FGF23: variants seen among roughly 807,000 people sequenced by gnomAD.
FGF23 encodes the protein phosphatonin.
FGF23 carries 8 observed loss-of-function variants against 9.0 expected under a neutral mutation model. That is an observed-to-expected ratio of 0.89 (90% CI 0.52 to 1.60). The LOEUF (loss-of-function observed/expected upper bound fraction) is 1.60, where lower values mean the gene tolerates loss of function less well. FGF23 is among the 40% of genes most tolerant of loss of function. The probability of loss-of-function intolerance (pLI) is 0.00; values close to 1 mark genes in which losing one functional copy is unlikely to be tolerated. For synonymous variants in FGF23, 118 were observed against 146.2 expected (o/e 0.81, Z 1.39); for missense variants, 311 against 344.3 (o/e 0.90, Z 0.77).
intron 1 of FGF23, among the ~76,000 whole-genome samples, chr12:4,378,392 A>G (rs1387503172): frequency 6.6e-6 from 1 of 151,960 alleles, no homozygotes; most frequent in African/African-American, 2.4e-5. Context: ...ATTTTTCTGT[A>G]TGCTTTGAGG....
intron 1 of FGF23, among the ~76,000 whole-genome samples, 192 bp from the exon 2 acceptor site, chr12:4,372,889 CACAT>C (rs1865078782): frequency 6.6e-6 from 1 of 152,212 alleles, no homozygotes; most frequent in South Asian, 2.1e-4. Context: ...GCCCCCAACA[CACAT>C]ACAGTCATTC....
chr12:4,370,494 G>GCCGGGGTCATCCGGGC lies in FGF23; in HGVS notation c.589_604dup (p.Ala202GlyfsTer26). The GCCGGGGTCATCCGGGC allele has an allele frequency of 2.0e-5, 33 of 1,611,766 alleles. No homozygotes were observed. The highest frequency in any genetic ancestry group is 2.7e-5 in the Non-Finnish European group (32 of 1,178,420). On this transcript the variant is annotated frameshift_variant, in exon 3 of 3. Transcript: ENST00000237837. LOFTEE classifies it low-confidence loss of function (END_TRUNC). ...GAGCTCCTGTGAACAGGAGGCCGGG[G>GCCGGGGTCATCCGGGC]CCGGGGTCATCCGGGCCCGGGGCTT...
At position 4,370,463 on chromosome 12, in the gene FGF23, G is replaced by T. The variant is rs749770315; in HGVS notation, c.636C>A (p.Ser212Arg). ...TGGCCATCGGGCTGTTGTCCTCGGC[G>T]CTCGGGAGCTCCTGTGAACAGGAGG... ...APASCSQELP[S>R]AEDNSPMASD... The change falls in exon 3 of 3, where the codon AGC becomes AGA. Residue 212 changes from serine to arginine, a missense_variant. By Grantham distance (110) the Ser-to-Arg change is moderately radical. Transcript: ENST00000237837. 3.6e-5 allele frequency: 58 copies of T among 1,612,828 alleles called. No individual in the cohort carries two copies. The highest frequency in any genetic ancestry group is 5.3e-5 in the African/African-American group (4 of 74,866).
Position 4,379,627 on chromosome 12 carries a change from C to G in FGF23, c.-45G>C. On this transcript the variant is annotated 5_prime_UTR_variant, in exon 1 of 3. Coordinates refer to ENST00000237837, the MANE Select transcript of FGF23 (RefSeq NM_020638.3). The stretch of plus-strand genomic sequence containing the variant: ...CTGGTGCTGAGATTGAAACCTGACA[C>G]TCCTGTCGGGACTCTCCTGGCCCAG... 6.7e-7 allele frequency: 1 copy of G among 1,503,498 alleles called. No individual in the cohort carries two copies. Among genetic ancestry groups the G allele is most frequent in the Non-Finnish European group, 9.0e-7 (1 of 1,110,562 alleles). The allele number at this position is 1,503,498 out of a possible 1,614,324, so 93.1% of individuals were successfully genotyped here.
At chr12:4,375,777 C>G (rs1195934672) in intron 1 of FGF23, among the ~76,000 whole-genome samples, 4 of 152,176 alleles carry the variant, frequency 2.6e-5, no homozygotes, top group African/African-American at 9.7e-5. Flanking sequence ...AAACATTTAC[C>G]TCATTTGGTC....
At chr12:4,374,174 G>C (rs1865093204) in intron 1 of FGF23, among the ~76,000 whole-genome samples, 1 of 152,208 alleles carries the variant, frequency 6.6e-6, no homozygotes. Flanking sequence ...GGGCCAAAGA[G>C]AGAAGTTAAT....
In FGF23 at chr12:4,368,418, T is replaced by C. The variant is rs886049397; in HGVS notation, c.*1925A>G. The stretch of plus-strand genomic sequence containing the variant: ...TTTTATTCTTATATTCCGACATGCT[T>C]TTAAGTAGTACTACAAAGAGGATAA... On this transcript the variant is annotated 3_prime_UTR_variant, in exon 3 of 3. Coordinates refer to ENST00000237837, the MANE Select transcript of FGF23 (RefSeq NM_020638.3). 3 of 182,140 alleles carry C rather than the reference T, an allele frequency of 1.6e-5. No individual in the cohort carries two copies. 11.3% of individuals were successfully genotyped at this position (182,140 alleles called of 1,614,324 possible).
rs1865057873 is a variant in FGF23, at chr12:4,370,884, C to T, written c.316-101G>A. ...CATGCTTGTGCCAGCCGGCCTGAAG[C>T]TCTGCAGTTCTTAGGGCGTTGAGCC... is the stretch of plus-strand genomic sequence containing the variant. On this transcript the variant is annotated intron_variant, in intron 2 of 2. Coordinates refer to ENST00000237837, the MANE Select transcript of FGF23 (RefSeq NM_020638.3). The T allele has an allele frequency of 3.1e-6, 3 of 980,406 alleles. No homozygotes were observed. The East Asian group carries it at 7.2e-5, about 23-fold the overall frequency. The allele number at this position is 980,406 out of a possible 1,614,324, so 60.7% of individuals were successfully genotyped here. A position where few individuals can be genotyped will look rare whatever the true frequency, so the allele number is the denominator to read the frequency against.
intron 1 of FGF23, among the ~76,000 whole-genome samples, chr12:4,375,658 G>A (rs1321015622): frequency 6.6e-6 from 1 of 152,186 alleles, no homozygotes; most frequent in African/African-American, 2.4e-5. Flanking sequence ...GAACAGCTTG[G>A]GATTTGGGGT....
intron 2 of FGF23, 102 bp downstream of exon 2, chr12:4,372,492 G>A: frequency 2.6e-6 from 2 of 771,002 alleles, no homozygotes; most frequent in South Asian, 2.8e-5. Flanking sequence ...GGTCACCAGG[G>A]TACACTGCAA....
intron 1 of FGF23, among the ~76,000 whole-genome samples, chr12:4,378,838 A>G (rs1865146724): frequency 2.0e-5 from 3 of 152,198 alleles, no homozygotes; most frequent in African/African-American, 4.8e-5. Context: ...GACAACATAC[A>G]TGGACAGTCT....
chr12:4,371,877 C>T (rs143949738), intron 2 of FGF23, among the ~76,000 whole-genome samples: 98 of 152,200 alleles, frequency 6.4e-4, no homozygotes, highest in African/African-American at 2.3e-3. Flanking sequence ...TGAGGACCTA[C>T]GACTACATAC....
At chr12:4,378,842 A>C (rs1381082233) in intron 1 of FGF23, among the ~76,000 whole-genome samples, 1 of 152,172 alleles carries the variant, frequency 6.6e-6, no homozygotes, top group Non-Finnish European at 1.5e-5. Context: ...ACATACATGG[A>C]CAGTCTGTCT....
intron 1 of FGF23, among the ~76,000 whole-genome samples, chr12:4,372,963 C>A (rs1186313356): frequency 1.3e-5 from 2 of 152,210 alleles, no homozygotes; most frequent in Non-Finnish European, 2.9e-5. Context: ...ATTCTTCTAC[C>A]TGTGCTGAAC....
intron 1 of FGF23, among the ~76,000 whole-genome samples, chr12:4,376,247 T>C (rs1865115285): frequency 1.3e-5 from 2 of 152,158 alleles, no homozygotes; most frequent in South Asian, 4.1e-4. Context: ...AAGAATCTGG[T>C]AGGCAGGAGA....
At chr12:4,377,569 T>C (rs1476245667) in intron 1 of FGF23, among the ~76,000 whole-genome samples, 1 of 149,250 alleles carries the variant, frequency 6.7e-6, no homozygotes. Context: ...TAGCTGGGAC[T>C]ACAGGCGCCT....
chr12:4,374,972 C>G (rs1277089882), intron 1 of FGF23, among the ~76,000 whole-genome samples: 1 of 152,114 alleles, frequency 6.6e-6, no homozygotes, highest in Non-Finnish European at 1.5e-5. Context: ...AAAATACATG[C>G]TGCAGGCAGT....
At chr12:4,379,342 C>T (rs2120746898) in intron 1 of FGF23, 30 bp downstream of exon 1, 1 of 1,592,542 alleles carries the variant, frequency 6.3e-7, no homozygotes, top group Non-Finnish European at 8.6e-7. Context: ...AAGGGTGCTC[C>T]CCTTCTTCCC....
rs557303699 is a variant in FGF23, at chr12:4,379,522, C to A, written c.61G>T (p.Val21Phe). 6.2e-7 allele frequency: 1 copy of A among 1,612,568 alleles called. No homozygotes were observed. The highest frequency in any genetic ancestry group is 8.5e-7 in the Non-Finnish European group (1 of 1,180,016). ...CALCSVCSMS[V>F]LRAYPNASPL... The stretch of plus-strand genomic sequence containing the variant: ...GAGGCATTGGGATAGGCTCTGAGGA[C>A]GCTCATGCTGCAGACGCTGCACAAG... Residue 21 changes from valine (V) to phenylalanine (F), a missense_variant, in exon 1 of 3, where the codon GTC (valine) becomes TTC (phenylalanine). Val to Phe is a conservative substitution (Grantham distance 50). This residue lies in a region of FGF23 where 102 missense variants were observed against 108.2 expected (regional missense o/e 0.94). Transcript: ENST00000237837.
Sources: gnomAD v4.1 joint callset for allele counts (sites outside exome capture counted in the v4.1 genomes callset) on GRCh38, gnomAD v4.1.1 for gene constraint, gnomAD v4.1.1 regional missense constraint, MANE v1.5 for transcripts, NCBI Gene and HGNC (gene_info 2026-07-23, HGNC 2026-07-21) for gene names.